Variants in WFDC3 observed in about 807,000 individuals in gnomAD.
WFDC3 encodes the protein WAP four-disulfide core domain protein 3.
A neutral mutation model predicts 25.8 loss-of-function variants in WFDC3; 15 were observed. That is an observed-to-expected ratio of 0.58 (90% CI 0.39 to 0.89). WFDC3 has a LOEUF of 0.89. Ranked by LOEUF, WFDC3 falls within the 40% of genes least tolerant of loss-of-function variation. The probability of loss-of-function intolerance (pLI) is 0.00; values close to 1 mark genes in which losing one functional copy is unlikely to be tolerated. For missense variants in WFDC3, 264 were observed against 289.8 expected (o/e 0.91, Z 0.65); for synonymous variants, 103 against 107.1 (o/e 0.96, Z 0.24).
intron 1 of WFDC3, chr20:45,790,856 G>A: frequency 4.2e-6 from 2 of 470,588 alleles, no homozygotes; most frequent in South Asian, 3.1e-5. Context: ...GCCATTCTTG[G>A]ACTGTATGAA....
intron 4 of WFDC3, among the ~76,000 whole-genome samples, chr20:45,782,538 C>A (rs1339715296): frequency 6.6e-6 from 1 of 151,958 alleles, no homozygotes; most frequent in Non-Finnish European, 1.5e-5. Context: ...CCATCATGCC[C>A]GGCTAATTTT....
intron 3 of WFDC3, 148 bp from the exon 4 acceptor site, chr20:45,788,130 C>A: frequency 1.4e-6 from 1 of 724,264 alleles, no homozygotes; most frequent in Non-Finnish European, 2.1e-6. Context: ...ATGGAGAAAC[C>A]CCATCTCTAC....
At chr20:45,790,503 T>A (rs1980908086) in intron 1 of WFDC3, among the ~76,000 whole-genome samples, 1 of 152,204 alleles carries the variant, frequency 6.6e-6, no homozygotes, top group Non-Finnish European at 1.5e-5. Context: ...GGCGGGCAGA[T>A]CACCTGAGGT....
intron 4 of WFDC3, among the ~76,000 whole-genome samples, chr20:45,782,593 G>C (rs952766240): frequency 6.6e-6 from 1 of 152,008 alleles, no homozygotes; most frequent in Non-Finnish European, 1.5e-5. Flanking sequence ...GGCCAGGCTG[G>C]TCTCAAACTC....
chr20:45,788,038 T>G (rs1027340095), intron 3 of WFDC3, 56 bp from the exon 4 acceptor site: 1 of 1,571,664 alleles, frequency 6.4e-7, no homozygotes, highest in African/African-American at 1.4e-5. Context: ...GCGCCATGGC[T>G]CACACCTGTA....
intron 2 of WFDC3, 37 bp from the exon 3 acceptor site, chr20:45,789,096 C>T: frequency 6.2e-7 from 1 of 1,609,498 alleles, no homozygotes; most frequent in South Asian, 1.1e-5. Flanking sequence ...GGTAACTAGC[C>T]AGGCCTCAGA....
At chr20:45,786,946 T>C (rs180768998) in intron 4 of WFDC3, among the ~76,000 whole-genome samples, 9 of 151,538 alleles carry the variant, frequency 5.9e-5, no homozygotes, top group African/African-American at 2.2e-4. Context: ...TACAAAAAAT[T>C]AGCCGGGTGT....
chr20:45,791,052 A>C (rs1980948422), intron 1 of WFDC3: 10 of 442,506 alleles, frequency 2.3e-5, no homozygotes, highest in South Asian at 1.6e-4. Flanking sequence ...GGTACAAGGT[A>C]AAACCTCCTT....
At chr20:45,789,619 G>A (rs1980854045) in intron 2 of WFDC3, among the ~76,000 whole-genome samples, 1 of 152,096 alleles carries the variant, frequency 6.6e-6, no homozygotes, top group South Asian at 2.1e-4. Flanking sequence ...GAGAAAGGGT[G>A]GGATGATCCT....
intron 5 of WFDC3, among the ~76,000 whole-genome samples, chr20:45,776,597 C>CAAAAAAAAAA (rs1226620611): frequency 7.8e-5 from 1 of 12,874 alleles, no homozygotes; most frequent in African/African-American, 2.6e-4. Context: ...GACTCTGTCT[C>CAAAAAAAAAA]AAAAAAAAAA....
rs1299962980 is a variant in WFDC3, at chr20:45,780,447, C to T, written c.359-3238G>A. On this transcript the variant is annotated intron_variant, in intron 4 of 6. Coordinates refer to ENST00000243938, the MANE Select transcript of WFDC3 (RefSeq NM_080614.2). Reference sequence around the variant, plus strand: ...CTATCCCCAGAGACCTTACAAAAACCTGGCGGATGCCATTCTTTCAGGCAG... The same window carrying T: ...CTATCCCCAGAGACCTTACAAAAACTTGGCGGATGCCATTCTTTCAGGCAG... 2.6e-5 allele frequency among the ~76,000 whole-genome samples: 4 copies of T among 152,196 alleles called. No homozygotes were observed. The East Asian group carries it at 7.7e-4, about 29-fold the overall frequency.
intron 4 of WFDC3, among the ~76,000 whole-genome samples, chr20:45,786,832 C>T (rs530500313): frequency 3.9e-5 from 6 of 152,038 alleles, no homozygotes; most frequent in South Asian, 2.1e-4. Flanking sequence ...TGGTGGCTCA[C>T]GCCTGTAATC....
At position 45,789,007 on chromosome 20, in the gene WFDC3, CT is replaced by C; in HGVS notation, c.134del (p.Gln45ArgfsTer42). The C allele has an allele frequency of 6.2e-7, 1 of 1,613,816 alleles. No individual in the cohort carries two copies. The highest frequency in any genetic ancestry group is 8.5e-7 in the Non-Finnish European group (1 of 1,179,936). On this transcript the variant is annotated frameshift_variant, in exon 3 of 7. Transcript: ENST00000243938. LOFTEE classifies it high-confidence loss of function. The stretch of plus-strand genomic sequence containing the variant: ...GTTCAGCCGGACACAATTCATCACC[CT>C]GGCACAGCTCTTTGCATGGGTTCTT... ...PHKNPCKELC[Q>X]GDELCPAEQK...
chr20:45,777,134 T>C lies in WFDC3; in HGVS notation c.434A>G (p.Gln145Arg), dbSNP rs1980226286. ...GCCGGTGCTGCAGCATTTATGCCCC[T>C]GGGGACAGGATGCATCCCCATCACA... is the stretch of plus-strand genomic sequence containing the variant. Reference protein sequence around the residue: ...ELCDGDASCPQGHKCCSTGCG... With the variant: ...ELCDGDASCPRGHKCCSTGCG... The change falls in exon 5 of 7, where the codon CAG becomes CGG. Residue 145 changes from glutamine to arginine, a missense_variant. Coordinates refer to ENST00000243938, the MANE Select transcript of WFDC3 (RefSeq NM_080614.2). The C allele has an allele frequency of 1.2e-6, 2 of 1,611,270 alleles. No individual in the cohort carries two copies. Among genetic ancestry groups the C allele is most frequent in the Non-Finnish European group, 1.7e-6 (2 of 1,178,856 alleles).
At chr20:45,776,660 A>ATATATATATATATGTG (rs762240715) in intron 5 of WFDC3, among the ~76,000 whole-genome samples, 6 of 93,298 alleles carry the variant, frequency 6.4e-5, no homozygotes, top group Non-Finnish European at 9.8e-5. Flanking sequence ...ATATATATAT[A>ATATATATATATATGTG]TGTGTGTGTG....
intron 6 of WFDC3, among the ~76,000 whole-genome samples, 185 bp downstream of exon 6, chr20:45,775,232 G>A (rs1012997989): frequency 6.6e-6 from 1 of 152,128 alleles, no homozygotes; most frequent in Non-Finnish European, 1.5e-5. Flanking sequence ...TGGGACACAG[G>A]TTTGCCACAC....
At chr20:45,787,055 C>T (rs1239791050) in intron 4 of WFDC3, among the ~76,000 whole-genome samples, 1 of 133,058 alleles carries the variant, frequency 7.5e-6, no homozygotes, top group Non-Finnish European at 1.5e-5. Flanking sequence ...GATCACACCA[C>T]TGCACTCTAG....
At position 45,775,609 on chromosome 20, in the gene WFDC3, G is replaced by A. The variant is rs776483183; in HGVS notation, c.494-7C>T. On this transcript the variant is annotated splice_region_variant and splice_polypyrimidine_tract_variant and intron_variant, in intron 5 of 6. Coordinates refer to ENST00000243938, the MANE Select transcript of WFDC3 (RefSeq NM_080614.2). ...GGACAATCACCGCCCCGCCCTGTGGGAACAACAGGCACAGGAAAAGGGACA... is the reference window on the plus strand; with the variant it reads ...GGACAATCACCGCCCCGCCCTGTGGAAACAACAGGCACAGGAAAAGGGACA... 1.2e-5 allele frequency: 20 copies of A among 1,613,818 alleles called. No individual in the cohort carries two copies. In the South Asian group the frequency reaches 2.2e-4, roughly 18 times the overall value.
intron 2 of WFDC3, 28 bp from the exon 3 acceptor site, chr20:45,789,087 G>T: frequency 2.5e-6 from 4 of 1,610,410 alleles, no homozygotes; most frequent in Non-Finnish European, 3.4e-6. Flanking sequence ...TGAGTTTGGG[G>T]TAACTAGCCA....
Sources: allele counts gnomAD v4.1 joint callset (sites outside exome capture counted in the v4.1 genomes callset), GRCh38; gene constraint gnomAD v4.1.1; transcripts MANE v1.5; gene names NCBI Gene and HGNC (gene_info 2026-07-23, HGNC 2026-07-21).